The following EHD4 variants were observed in gnomAD, a reference collection of about 807,000 sequenced individuals.
The protein encoded by EHD4 is EH domain-containing protein 4.
EHD4 carries 37 observed loss-of-function variants against 51.0 expected under a neutral mutation model. The ratio of observed to expected loss-of-function variants is 0.73; its 90% CI spans 0.56 to 0.95. EHD4 has a LOEUF of 0.95. Ranked by LOEUF, EHD4 falls within the 40% of genes least tolerant of loss-of-function variation. EHD4 has a pLI of 0.00. For synonymous variants in EHD4, 297 were observed against 317.3 expected (o/e 0.94, Z 0.68); for missense variants, 632 against 733.1 (o/e 0.86, Z 1.59).
rs149790926 is a variant in EHD4 at position 41,919,337 on chromosome 15, T to C, written c.797A>G (p.Gln266Arg). Residue 266 changes from glutamine (Q) to arginine (R), a missense_variant, in exon 4 of 6, where the codon CAG (glutamine) becomes CGG (arginine). Gln to Arg is a conservative substitution (Grantham distance 43). Coordinates refer to ENST00000220325, the MANE Select transcript of EHD4 (RefSeq NM_139265.4). ...YIGSFWAQPLQNTDNRRLFEA... is the reference protein window; with the variant it reads ...YIGSFWAQPLRNTDNRRLFEA... ...GAAGAGCCGGCGGTTGTCCGTGTTC[T>C]GCAGGGGCTGCGCCCAGAAGGAGCC... The C allele has an allele frequency of 1.5e-5, 25 of 1,614,116 alleles. No homozygotes were observed. In the African/African-American group the frequency reaches 2.8e-4, roughly 18 times the overall value.
intron 2 of EHD4, among the ~76,000 whole-genome samples, chr15:41,949,319 G>A (rs1292742338): frequency 1.3e-5 from 2 of 151,792 alleles, no homozygotes; most frequent in Non-Finnish European, 2.9e-5. Context: ...GCAGTGAGCC[G>A]AGATTGCGCA....
intron 4 of EHD4, among the ~76,000 whole-genome samples, chr15:41,917,640 A>C (rs1348248555): frequency 1.3e-5 from 2 of 152,220 alleles, no homozygotes; most frequent in African/African-American, 4.8e-5. Flanking sequence ...TGGAGAAAGG[A>C]AACACCACAA....
intron 5 of EHD4, among the ~76,000 whole-genome samples, chr15:41,902,807 G>A (rs1287110987): frequency 7.1e-6 from 1 of 141,810 alleles, no homozygotes; most frequent in African/African-American, 2.5e-5. Flanking sequence ...ATATATGTAT[G>A]TGTATATATA....
chr15:41,923,974 C>A (rs149747775), intron 3 of EHD4, among the ~76,000 whole-genome samples: 10 of 152,332 alleles, frequency 6.6e-5, no homozygotes, highest in Non-Finnish European at 1.5e-4. Flanking sequence ...AATATCTGGG[C>A]CAACTTTGAT....
chr15:41,908,703 T>C (rs1820535735), intron 5 of EHD4: 1 of 152,254 alleles, frequency 6.6e-6, no homozygotes, highest in African/African-American at 2.4e-5. Flanking sequence ...GGCTTCTGCA[T>C]TGTCCAATCT....
rs541543993 is a variant in EHD4 at position 41,932,863 on chromosome 15, C to G, written c.511+10204G>C. On this transcript the variant is annotated intron_variant, in intron 3 of 5. Coordinates refer to ENST00000220325, the MANE Select transcript of EHD4 (RefSeq NM_139265.4). ...TCCCAGGACTCGGCCATCCTCTGCC[C>G]TCCCCTGGGAAATGCTGAGCGCTTG... Among the ~76,000 whole-genome samples, 4 of 152,226 alleles carry G rather than the reference C, an allele frequency of 2.6e-5. No homozygotes were observed. In the East Asian group the frequency reaches 7.7e-4, roughly 29 times the overall value.
At chr15:41,909,675 G>A in intron 5 of EHD4, 24 bp downstream of exon 5, 5 of 1,613,306 alleles carry the variant, frequency 3.1e-6, no homozygotes, top group Non-Finnish European at 4.2e-6. Flanking sequence ...CTCTGCCCGT[G>A]ACATTGTAGT....
rs2067474140 is a variant in EHD4 at position 41,901,004 on chromosome 15, C to T, written c.1267G>A (p.Gly423Ser). The T allele has an allele frequency of 6.2e-7, 1 of 1,608,604 alleles. No homozygotes were observed. The highest frequency in any genetic ancestry group is 8.5e-7 in the Non-Finnish European group (1 of 1,176,082). ...QGGAFDGTTE[G>S]PFNQGYGEGA... is the part of the protein sequence containing the mutation. ...TCCCCGTAGCCCTGGTTGAAGGGGCCCTCGGTGGTGCCATCGAAGGCGCCG... is the reference window on the plus strand; with the variant it reads ...TCCCCGTAGCCCTGGTTGAAGGGGCTCTCGGTGGTGCCATCGAAGGCGCCG... Residue 423 changes from glycine (G) to serine (S), a missense_variant, in exon 6 of 6, where the codon GGC (glycine) becomes AGC (serine). By Grantham distance (56) the Gly-to-Ser change is moderately conservative (BLOSUM62 0). Coordinates refer to ENST00000220325, the MANE Select transcript of EHD4 (RefSeq NM_139265.4).
intron 2 of EHD4, among the ~76,000 whole-genome samples, chr15:41,950,345 A>G (rs1393043289): frequency 2.6e-5 from 4 of 152,200 alleles, no homozygotes; most frequent in African/African-American, 9.7e-5. Flanking sequence ...GCACTCCTTA[A>G]GGAGAAGGCC....
At chr15:41,927,592 G>A (rs2067671028) in intron 3 of EHD4, among the ~76,000 whole-genome samples, 1 of 152,188 alleles carries the variant, frequency 6.6e-6, no homozygotes, top group African/African-American at 2.4e-5. Context: ...GCCCATCACA[G>A]AAGGACAAAC....
intron 3 of EHD4, among the ~76,000 whole-genome samples, chr15:41,940,262 G>GA (rs987951025): frequency 7.9e-5 from 12 of 152,232 alleles, no homozygotes; most frequent in African/African-American, 2.9e-4. Flanking sequence ...GTCAGTGGGG[G>GA]ATGCTTTAAA....
chr15:41,951,960 C>T (rs1033916003), intron 2 of EHD4, among the ~76,000 whole-genome samples: 4 of 152,240 alleles, frequency 2.6e-5, no homozygotes, highest in African/African-American at 2.4e-5. Context: ...AGATGGAACT[C>T]CTCTGGGACT....
chr15:41,907,451 A>G (rs991856486), intron 5 of EHD4, among the ~76,000 whole-genome samples: 1 of 152,200 alleles, frequency 6.6e-6, no homozygotes, highest in Non-Finnish European at 1.5e-5. Context: ...GAAAAACCCA[A>G]TTCAGCTTGT....
At chr15:41,919,753 A>G in intron 3 of EHD4, 131 bp from the exon 4 acceptor site, 2 of 862,150 alleles carry the variant, frequency 2.3e-6, no homozygotes, top group Non-Finnish European at 3.2e-6. Flanking sequence ...GAGGCAGTGG[A>G]GGCCTGGTGA....
intron 3 of EHD4, among the ~76,000 whole-genome samples, chr15:41,922,856 G>A (rs1441307825): frequency 1.3e-5 from 2 of 152,154 alleles, no homozygotes; most frequent in South Asian, 2.1e-4. Context: ...AATATAGTTC[G>A]AGAAGTACAG....
At chr15:41,913,820 C>T (rs2067565294) in intron 4 of EHD4, among the ~76,000 whole-genome samples, 1 of 152,160 alleles carries the variant, frequency 6.6e-6, no homozygotes, top group African/African-American at 2.4e-5. Flanking sequence ...ACATTCGTAT[C>T]TTGTTCAAGT....
chr15:41,919,132 T>C, intron 4 of EHD4, 78 bp downstream of exon 4: 1 of 1,578,332 alleles, frequency 6.3e-7, no homozygotes, highest in Non-Finnish European at 8.7e-7. Flanking sequence ...CGAAGCCTCC[T>C]CCCACCCATC....
At chr15:41,952,998 CAAAAA>C (rs33930801) in intron 2 of EHD4, among the ~76,000 whole-genome samples, 3 of 69,084 alleles carry the variant, frequency 4.3e-5, no homozygotes, top group Admixed American at 3.9e-4. Flanking sequence ...TTCCCCCCCG[CAAAAA>C]AAAAAAAAAA....
intron 2 of EHD4, among the ~76,000 whole-genome samples, chr15:41,944,512 C>T (rs928490877): frequency 2.0e-4 from 31 of 152,308 alleles, no homozygotes; most frequent in African/African-American, 7.2e-4. Context: ...TGGCCAGCCT[C>T]CACAGTGCAC....
Sources: allele counts gnomAD v4.1 joint callset (sites outside exome capture counted in the v4.1 genomes callset), GRCh38; gene constraint gnomAD v4.1.1; transcripts MANE v1.5; gene names NCBI Gene and HGNC (gene_info 2026-07-23, HGNC 2026-07-21).